Variants in CFAP299 observed in about 807,000 individuals in gnomAD.
CFAP299 encodes cilia and flagella associated protein 299, also known as cilia- and flagella-associated protein 299.
Under a neutral mutation model 27.0 loss-of-function variants are expected in CFAP299, and 21 were observed. The ratio of observed to expected loss-of-function variants is 0.78; its 90% CI spans 0.55 to 1.12. CFAP299 has a LOEUF of 1.12. Ranked by LOEUF, CFAP299 falls within the 50% of genes most tolerant of loss-of-function variation. CFAP299 has a pLI of 0.00. For synonymous variants in CFAP299, 104 were observed against 98.1 expected, an observed-to-expected ratio of 1.06 and a Z score of -0.36; for missense variants, 310 against 276.6, an observed-to-expected ratio of 1.12 and a Z score of -0.86.
In CFAP299 at chr4:80,958,878, G is replaced by A. The variant is rs112884196; in HGVS notation, c.607-4639G>A. ...TTATCTTCCATGAGGTTCTAAGACT[G>A]TTCTTTGTTGAAGACATAAATTCTG... On this transcript the variant is annotated intron_variant, in intron 5 of 5. Coordinates refer to ENST00000358105, the MANE Select transcript of CFAP299 (RefSeq NM_152770.3). Among the ~76,000 whole-genome samples, 577 of 152,246 alleles carry A rather than the reference G, an allele frequency of 3.8e-3. 8 individuals are homozygous for A. The highest frequency in any genetic ancestry group is 0.013 in the African/African-American group (552 of 41,562).
At chr4:80,562,597 G>T (rs572315166) in intron 2 of CFAP299, among the ~76,000 whole-genome samples, 1 of 151,254 alleles carries the variant, frequency 6.6e-6, no homozygotes, top group African/African-American at 2.4e-5. Context: ...GGTGGAGATT[G>T]CAGTGAGCTG....
At chr4:80,624,835 T>C (rs992760363) in intron 3 of CFAP299, among the ~76,000 whole-genome samples, 4 of 152,070 alleles carry the variant, frequency 2.6e-5, no homozygotes, top group Non-Finnish European at 4.4e-5. Context: ...GGTTGATAAA[T>C]TTAAAGTGCT....
intron 2 of CFAP299, among the ~76,000 whole-genome samples, chr4:80,402,470 C>T (rs1726212949): frequency 6.6e-6 from 1 of 152,142 alleles, no homozygotes; most frequent in South Asian, 2.1e-4. Context: ...GCTTTTGCCT[C>T]TCTCATTTTC....
chr4:80,799,204 A>G lies in CFAP299; in HGVS notation c.334-70789A>G, dbSNP rs191230518. ...GTATAAATATATTTATATAATATTT[A>G]TATATATATTGTATAAATATATTTA... is the stretch of plus-strand genomic sequence containing the variant. On this transcript the variant is annotated intron_variant, in intron 3 of 5. Transcript: ENST00000358105. 8.7e-4 allele frequency among the ~76,000 whole-genome samples: 96 copies of G among 109,778 alleles called. No individual in the cohort carries two copies. The Admixed American group carries it at 1.0e-2, about 11-fold the overall frequency. The allele number at this position is 109,778 out of a possible 152,430, so 72.0% of individuals were successfully genotyped here.
intron 2 of CFAP299, among the ~76,000 whole-genome samples, chr4:80,416,812 G>C (rs566502127): frequency 6.6e-6 from 1 of 152,280 alleles, no homozygotes; most frequent in Non-Finnish European, 1.5e-5. Context: ...TATGGGGCAG[G>C]AGTCTACCAC....
chr4:80,348,947 C>T (rs1722889217), intron 1 of CFAP299, among the ~76,000 whole-genome samples: 1 of 152,116 alleles, frequency 6.6e-6, no homozygotes, highest in South Asian at 2.1e-4. Context: ...AGAGTTTTGA[C>T]CTTACACAAC....
At chr4:80,935,571 T>C (rs949925450) in intron 4 of CFAP299, among the ~76,000 whole-genome samples, 1 of 152,090 alleles carries the variant, frequency 6.6e-6, no homozygotes, top group Non-Finnish European at 1.5e-5. Context: ...TCGACTCTAA[T>C]TGATTAACAA....
intron 3 of CFAP299, among the ~76,000 whole-genome samples, chr4:80,709,484 G>A (rs773957387): frequency 6.6e-6 from 1 of 152,114 alleles, no homozygotes; most frequent in Non-Finnish European, 1.5e-5. Context: ...TATTGAGCAC[G>A]TTTCTTCCTA....
At chr4:80,489,449 G>A (rs1254149576) in intron 2 of CFAP299, among the ~76,000 whole-genome samples, 6 of 140,650 alleles carry the variant, frequency 4.3e-5, no homozygotes, top group Middle Eastern at 3.5e-3. Flanking sequence ...TTTCAACTTT[G>A]GTTAGGATCA....
chr4:80,924,257 C>A (rs1046797547), intron 4 of CFAP299, among the ~76,000 whole-genome samples: 1 of 151,780 alleles, frequency 6.6e-6, no homozygotes, highest in African/African-American at 2.4e-5. Flanking sequence ...GTTTTCTATT[C>A]TTTTCTATTT....
chr4:80,793,473 G>C (rs1167349072), intron 3 of CFAP299, among the ~76,000 whole-genome samples: 2 of 151,398 alleles, frequency 1.3e-5, no homozygotes, highest in Non-Finnish European at 2.9e-5. Flanking sequence ...TCAATAATTT[G>C]TATCCTTCAA....
At chr4:80,508,364 A>G (rs951830276) in intron 2 of CFAP299, among the ~76,000 whole-genome samples, 1 of 151,822 alleles carries the variant, frequency 6.6e-6, no homozygotes, top group African/African-American at 2.4e-5. Context: ...TTTACAACCA[A>G]CTCTGTGGGA....
At chr4:80,388,540 C>T in intron 2 of CFAP299, 1 of 1,457,664 alleles carries the variant, frequency 6.9e-7, no homozygotes. Flanking sequence ...TGAATTGCTT[C>T]TTACACTTCC....
chr4:80,765,919 C>T (rs1420167940), intron 3 of CFAP299, among the ~76,000 whole-genome samples: 2 of 152,024 alleles, frequency 1.3e-5, no homozygotes, highest in Non-Finnish European at 2.9e-5. Context: ...GAGGTTTTGA[C>T]ATACAGACAA....
intron 3 of CFAP299, among the ~76,000 whole-genome samples, chr4:80,740,418 C>T (rs1724186810): frequency 6.6e-6 from 1 of 152,194 alleles, no homozygotes; most frequent in African/African-American, 2.4e-5. Context: ...GAAGAATTCT[C>T]TGGATTACCA....
chr4:80,753,998 G>A (rs1048886112), intron 3 of CFAP299, among the ~76,000 whole-genome samples: 1 of 152,070 alleles, frequency 6.6e-6, no homozygotes, highest in African/African-American at 2.4e-5. Context: ...ATCTGAGTCT[G>A]CTTCTGTTGA....
chr4:80,877,487 C>G (rs554314339), intron 4 of CFAP299, among the ~76,000 whole-genome samples: 1 of 152,156 alleles, frequency 6.6e-6, no homozygotes, highest in South Asian at 2.1e-4. Context: ...AGTCAGAATC[C>G]CAGAGCAATC....
At chr4:80,799,812 T>TATATATATCATATAATATA (rs1553893124) in intron 3 of CFAP299, among the ~76,000 whole-genome samples, 830 of 36,102 alleles carry the variant, frequency 0.023, 45 homozygotes, top group East Asian at 0.069. Context: ...AATATATAAA[T>TATATATATCATATAATATA]ATATATATTA....
chr4:80,584,175 A>G (rs1253601320), intron 3 of CFAP299, among the ~76,000 whole-genome samples: 1 of 152,078 alleles, frequency 6.6e-6, no homozygotes, highest in East Asian at 1.9e-4. Context: ...TAGACTTTGG[A>G]CAGCTTTAGT....
Sources: allele counts gnomAD v4.1 joint callset (sites outside exome capture counted in the v4.1 genomes callset), GRCh38; gene constraint gnomAD v4.1.1; transcripts MANE v1.5; gene names NCBI Gene and HGNC (gene_info 2026-07-23, HGNC 2026-07-21).